GPRC6A: variants seen among roughly 807,000 people sequenced by gnomAD.
GPRC6A encodes the protein G protein-coupled receptor class C group 6 member A.
A neutral mutation model predicts 47.0 loss-of-function variants in GPRC6A; 54 were observed. That is an observed-to-expected ratio of 1.15 (90% confidence interval 0.92 to 1.44). The LOEUF (loss-of-function observed/expected upper bound fraction) is 1.44. Ranked by LOEUF, GPRC6A falls within the 40% of genes most tolerant of loss-of-function variation. The pLI is 0.00. For missense variants in GPRC6A, 1,112 were observed against 1,105.5 expected, an observed-to-expected ratio of 1.01 and a Z score of -0.08; for synonymous variants, 347 against 377.1, an observed-to-expected ratio of 0.92 and a Z score of 0.93.
chr6:116,824,631 C>A (rs1235307863), intron 1 of GPRC6A, among the ~76,000 whole-genome samples: 2 of 151,868 alleles, frequency 1.3e-5, no homozygotes, highest in Non-Finnish European at 2.9e-5. Flanking sequence ...AGCTCAGGAC[C>A]AGATGGATTG....
In GPRC6A at chr6:116,792,690, C is replaced by T. The variant is rs1307365892; in HGVS notation, c.2233G>A (p.Glu745Lys). The change falls in exon 6 of 6, where the codon GAG becomes AAG. Residue 745 changes from glutamate (E) to lysine (K), a missense_variant. Transcript: ENST00000310357. ...SLPRVIILEC[E>K]EGSILAFGTM... ...CCAAATGCAAGTATGGATCCCTCCT[C>T]ACACTCCAGGATGATGACTCTGGGC... The T allele has an allele frequency of 3.1e-6, 5 of 1,613,134 alleles. No homozygotes were observed. The highest frequency in any genetic ancestry group is 4.5e-5 in the East Asian group (2 of 44,872).
intron 1 of GPRC6A, among the ~76,000 whole-genome samples, chr6:116,820,714 T>C (rs1773436992): frequency 1.3e-5 from 2 of 151,972 alleles, no homozygotes; most frequent in South Asian, 4.2e-4. Context: ...TATTTCAAAA[T>C]AATAAGAGCT....
chr6:116,805,581 A>G (rs945337150), intron 3 of GPRC6A, among the ~76,000 whole-genome samples: 1 of 151,830 alleles, frequency 6.6e-6, no homozygotes, highest in African/African-American at 2.4e-5. Flanking sequence ...AAAAGAAGCA[A>G]TTTACTTTTC....
intron 4 of GPRC6A, among the ~76,000 whole-genome samples, chr6:116,799,434 A>G (rs985225477): frequency 1.3e-5 from 2 of 152,214 alleles, no homozygotes; most frequent in Admixed American, 6.5e-5. Context: ...GGCAAGATAC[A>G]CAGGAAGAAA....
chr6:116,795,056 AG>A (rs1193257504), intron 5 of GPRC6A, among the ~76,000 whole-genome samples: 1 of 152,160 alleles, frequency 6.6e-6, no homozygotes, highest in Non-Finnish European at 1.5e-5. Flanking sequence ...CTCCAGGGAA[AG>A]TGCTCATAGT....
chr6:116,803,427 A>C (rs1232807081), intron 3 of GPRC6A, among the ~76,000 whole-genome samples: 1 of 152,136 alleles, frequency 6.6e-6, no homozygotes, highest in Non-Finnish European at 1.5e-5. Flanking sequence ...ACCTTTGAAC[A>C]TAGTTTGCAA....
At chr6:116,809,762 A>T in intron 1 of GPRC6A, 145 bp from the exon 2 acceptor site, 1 of 580,128 alleles carries the variant, frequency 1.7e-6, no homozygotes, top group South Asian at 2.4e-5. Flanking sequence ...TTTAAAAACA[A>T]TTTTTCATGA....
intron 1 of GPRC6A, among the ~76,000 whole-genome samples, chr6:116,813,646 A>C (rs921962562): frequency 6.6e-6 from 1 of 152,228 alleles, no homozygotes; most frequent in African/African-American, 2.4e-5. Context: ...ACCTAAAACC[A>C]TAAAAACCCT....
chr6:116,823,607 G>T (rs1032267303), intron 1 of GPRC6A, among the ~76,000 whole-genome samples: 1 of 152,032 alleles, frequency 6.6e-6, no homozygotes, highest in Non-Finnish European at 1.5e-5. Context: ...CACATTTTCA[G>T]ATATCTTTAT....
chr6:116,827,507 G>T (rs1006892769), intron 1 of GPRC6A, among the ~76,000 whole-genome samples: 2 of 151,978 alleles, frequency 1.3e-5, no homozygotes, highest in African/African-American at 4.8e-5. Context: ...TACAGGTAAG[G>T]TAGGCAATTA....
At chr6:116,818,934 C>T (rs1452491618) in intron 1 of GPRC6A, among the ~76,000 whole-genome samples, 1 of 152,104 alleles carries the variant, frequency 6.6e-6, no homozygotes, top group East Asian at 1.9e-4. Flanking sequence ...AGAGTCAAGA[C>T]TCATCAGTGT....
rs370453573 is a variant in GPRC6A, at chr6:116,792,712, G to T, written c.2211C>A (p.Pro737=). ...APTVEVNVSL[P]RVIILECEEG... is the part of the protein sequence containing the mutation. ...CCTCACACTCCAGGATGATGACTCT[G>T]GGCAAGGAGACATTCACCTCTACAG... The change falls in exon 6 of 6, where the codon CCC becomes CCA. Residue 737 remains proline, a synonymous_variant. Transcript: ENST00000310357. 1 of 1,612,958 alleles carries T rather than the reference G, an allele frequency of 6.2e-7. No homozygotes were observed. Among genetic ancestry groups the T allele is most frequent in the Admixed American group, 1.7e-5 (1 of 59,946 alleles).
chr6:116,798,996 A>G (rs1772577292), intron 4 of GPRC6A, among the ~76,000 whole-genome samples: 1 of 152,128 alleles, frequency 6.6e-6, no homozygotes, highest in Non-Finnish European at 1.5e-5. Flanking sequence ...GGTAGTAAAA[A>G]GTGGTCAGCT....
At chr6:116,821,795 C>G (rs1039708816) in intron 1 of GPRC6A, among the ~76,000 whole-genome samples, 6 of 151,438 alleles carry the variant, frequency 4.0e-5, no homozygotes, top group Admixed American at 6.6e-5. Context: ...AGGACATAGG[C>G]ATGGGCAAGG....
chr6:116,816,630 T>G (rs946133851), intron 1 of GPRC6A, among the ~76,000 whole-genome samples: 3 of 152,130 alleles, frequency 2.0e-5, no homozygotes, highest in African/African-American at 7.2e-5. Context: ...AGGTACCGGG[T>G]TCATCTCACT....
chr6:116,806,266 A>G lies in GPRC6A; in HGVS notation c.1335+104T>C, dbSNP rs1477800839. The G allele has an allele frequency of 4.1e-6, 3 of 724,232 alleles. No individual in the cohort carries two copies. The Admixed American group carries it at 7.0e-5, about 17-fold the overall frequency. The allele number at this position is 724,232 out of a possible 1,614,324, so 44.9% of individuals were successfully genotyped here. On this transcript the variant is annotated intron_variant, in intron 3 of 5. Coordinates refer to ENST00000310357, the MANE Select transcript of GPRC6A (RefSeq NM_148963.4). Reference sequence around the variant, plus strand: ...ACTGAAAGTGTCTATTTATAAAAGGAATAGGATTAAGAGCAATTAATATAA... The same window carrying G: ...ACTGAAAGTGTCTATTTATAAAAGGGATAGGATTAAGAGCAATTAATATAA...
Position 116,807,079 on chromosome 6 carries a change from T to G in GPRC6A, c.626A>C (p.Asn209Thr), listed in dbSNP as rs1348845744. 2 of 1,613,746 alleles carry G rather than the reference T, an allele frequency of 1.2e-6. No homozygotes were observed. Among genetic ancestry groups the G allele is most frequent in the Non-Finnish European group, 1.7e-6 (2 of 1,179,726 alleles). ...ATCTGTGGTTATGATGCCAATCCAG[T>G]TCCAACCAGATTTCTGAATCAGGTG... Reference protein sequence around the residue: ...MAHLIQKSGWNWIGIITTDDD... With the variant: ...MAHLIQKSGWTWIGIITTDDD... Residue 209 changes from asparagine (N) to threonine (T), a missense_variant, in exon 3 of 6, where the codon AAC (asparagine) becomes ACC (threonine). Physicochemically the swap from Asn to Thr is moderately conservative, Grantham distance 65. Coordinates refer to ENST00000310357, the MANE Select transcript of GPRC6A (RefSeq NM_148963.4).
rs750212287 is a variant in GPRC6A, at chr6:116,828,999, A to G, written c.15T>C (p.Ile5=). 13 of 1,611,666 alleles carry G rather than the reference A, an allele frequency of 8.1e-6. No individual in the cohort carries two copies. The highest frequency in any genetic ancestry group is 3.3e-5 in the South Asian group (3 of 90,814). The change falls in exon 1 of 6, where the codon ATT becomes ATC. Residue 5 remains isoleucine, a synonymous_variant. Coordinates refer to ENST00000310357, the MANE Select transcript of GPRC6A (RefSeq NM_148963.4). The part of the protein sequence containing the change: MAFL[I]ILITCFVIIL... ...TAATCACAAAGCAGGTAATTAGTAT[A>G]ATTAAGAATGCCATGTTTCTATCTC...
rs1458308843 is a variant in GPRC6A, at chr6:116,817,499, C to T, written c.195-7882G>A. On this transcript the variant is annotated intron_variant, in intron 1 of 5. Coordinates refer to ENST00000310357, the MANE Select transcript of GPRC6A (RefSeq NM_148963.4). ...GAGCACCTCTCCTCCTCCAAAGGAA[C>T]GCAGTTCCTCACCAGCAACAGAACA... Among the ~76,000 whole-genome samples the T allele has an allele frequency of 2.4e-4, 37 of 152,320 alleles. No individual in the cohort carries two copies. The South Asian group carries it at 3.3e-3, about 14-fold the overall frequency.
Sources: gnomAD v4.1 joint callset for allele counts (sites outside exome capture counted in the v4.1 genomes callset) on GRCh38, gnomAD v4.1.1 for gene constraint, MANE v1.5 for transcripts, NCBI Gene and HGNC (gene_info 2026-07-23, HGNC 2026-07-21) for gene names.